The following FRMPD4 variants were observed in gnomAD, a reference collection of about 807,000 sequenced individuals.
FRMPD4 encodes the protein FERM and PDZ domain containing 4.
Under a neutral mutation model 94.1 loss-of-function variants are expected in FRMPD4, and 22 were observed. That is an observed-to-expected ratio of 0.23 (90% CI 0.17 to 0.33). FRMPD4 has a LOEUF of 0.33. Ranked by LOEUF, FRMPD4 falls within the 10% of genes least tolerant of loss-of-function variation. The pLI is 1.00. For synonymous variants in FRMPD4, 631 were observed against 548.6 expected (o/e 1.15, Z -2.10); for missense variants, 1,111 against 1,339.9 (o/e 0.83, Z 2.67).
intron 4 of FRMPD4, among the ~76,000 whole-genome samples, chrX:12,668,019 TAA>T (rs1216961135): frequency 4.4e-5 from 5 of 112,472 alleles, no homozygotes; most frequent in Non-Finnish European, 9.4e-5. Context: ...AATACTTATC[TAA>T]ATGTAGTTAT....
chrX:12,564,938 T>C (rs749818620), intron 2 of FRMPD4, among the ~76,000 whole-genome samples: 1 of 110,762 alleles, frequency 9.0e-6, no homozygotes, highest in South Asian at 4.0e-4. Flanking sequence ...AATAGTAGCA[T>C]GGCCGGGCGT....
intron 1 of FRMPD4, among the ~76,000 whole-genome samples, chrX:12,471,180 C>T (rs1478739438): frequency 9.0e-6 from 1 of 111,420 alleles, no homozygotes; most frequent in Non-Finnish European, 1.9e-5. Flanking sequence ...TTTCAGGACC[C>T]CAGCTGAGTC....
chrX:11,873,890 T>A (rs1470979784), intron 2 of FRMPD4, among the ~76,000 whole-genome samples: 1 of 110,924 alleles, frequency 9.0e-6, no homozygotes, highest in African/African-American at 3.3e-5. Context: ...ATATAGGTAA[T>A]GGAACAAAAT....
chrX:11,993,173 A>G (rs2054474808), intron 3 of FRMPD4, among the ~76,000 whole-genome samples: 2 of 110,862 alleles, frequency 1.8e-5, no homozygotes, highest in South Asian at 3.9e-4. Flanking sequence ...AACAATGTCT[A>G]TGGGGTACCT....
intron 1 of FRMPD4, among the ~76,000 whole-genome samples, chrX:12,251,249 C>T (rs2054035620): frequency 9.0e-6 from 1 of 111,168 alleles, no homozygotes; most frequent in Admixed American, 9.5e-5. Flanking sequence ...GGCCTGGATC[C>T]CTTCATATGC....
chrX:12,138,369 C>G (rs5933958), upstream of FRMPD4: 26,319 of 114,456 alleles, frequency 0.23, 2,961 homozygotes, highest in East Asian at 0.82. Context: ...TCCTTCAGAT[C>G]TAGAGGCACA....
rs140114407 is a variant in FRMPD4 at position 12,342,219 on chromosome X, T to A, written c.42-156461T>A. Among the ~76,000 whole-genome samples the A allele has an allele frequency of 4.8e-3, 542 of 112,257 alleles. 4 individuals carry two copies. The highest frequency in any genetic ancestry group is 0.017 in the African/African-American group (523 of 30,946). On this transcript the variant is annotated intron_variant, in intron 1 of 16. Transcript: ENST00000675598. ...AACAGTTGTCTCTAGGGTTCCATAA[T>A]CTAAAAGAGGAAGGCATATCTGAAA...
chrX:12,216,208 C>T (rs1039928422), intron 1 of FRMPD4, among the ~76,000 whole-genome samples: 5 of 111,447 alleles, frequency 4.5e-5, no homozygotes, highest in African/African-American at 9.8e-5. Context: ...CATCTGGTAC[C>T]TGGACTGAGA....
At chrX:12,184,817 CCAGAGGCTG>C (rs1164321231) in intron 1 of FRMPD4, among the ~76,000 whole-genome samples, 1 of 111,000 alleles carries the variant, frequency 9.0e-6, no homozygotes, top group Non-Finnish European at 1.9e-5. Flanking sequence ...AGGATGGTTA[CCAGAGGCTG>C]CAGAGGCTGG....
At chrX:12,089,809 C>T (rs982261952) in intron 3 of FRMPD4, among the ~76,000 whole-genome samples, 1 of 111,887 alleles carries the variant, frequency 8.9e-6, no homozygotes, top group African/African-American at 3.3e-5. Flanking sequence ...CTAAGAGCTT[C>T]CTCTCTGGGC....
At chrX:12,137,305 T>C (rs1479142574), upstream of FRMPD4, among the ~76,000 whole-genome samples, 1 of 112,904 alleles carries the variant, frequency 8.9e-6, no homozygotes, top group Admixed American at 9.3e-5. Context: ...GTTTTTGAAA[T>C]AAATGCTTAA....
At chrX:12,442,098 G>A (rs1467175123) in intron 1 of FRMPD4, among the ~76,000 whole-genome samples, 4 of 111,582 alleles carry the variant, frequency 3.6e-5, no homozygotes, top group Non-Finnish European at 7.5e-5. Flanking sequence ...GTTTATATCT[G>A]TAGTCCCAGC....
At chrX:12,560,186 G>T (rs1156646486) in intron 2 of FRMPD4, among the ~76,000 whole-genome samples, 1 of 111,000 alleles carries the variant, frequency 9.0e-6, no homozygotes, top group Non-Finnish European at 1.9e-5. Flanking sequence ...TTTTTCCTTT[G>T]TTCAAACCTG....
intron 2 of FRMPD4, among the ~76,000 whole-genome samples, chrX:12,501,430 T>C (rs1005864848): frequency 3.1e-5 from 3 of 97,097 alleles, no homozygotes; most frequent in South Asian, 1.2e-3. Context: ...CAATCATTCT[T>C]TTCCTTTCCT....
intron 3 of FRMPD4, among the ~76,000 whole-genome samples, chrX:12,093,364 C>T (rs1050476201): frequency 1.8e-5 from 2 of 110,987 alleles, no homozygotes; most frequent in African/African-American, 6.6e-5. Context: ...ATTCCCTTCC[C>T]TCCTTTTCCC....
intron 3 of FRMPD4, among the ~76,000 whole-genome samples, chrX:12,053,425 A>AGAAG (rs1569149849): frequency 1.3e-4 from 13 of 99,791 alleles, no homozygotes; most frequent in African/African-American, 4.7e-4. Context: ...AAAGAAAGAA[A>AGAAG]GAAAGAGAAA....
At chrX:12,129,625 T>A (rs1360260212) in intron 3 of FRMPD4, among the ~76,000 whole-genome samples, 1 of 111,749 alleles carries the variant, frequency 8.9e-6, no homozygotes, top group Non-Finnish European at 1.9e-5. Flanking sequence ...TATCTCCACC[T>A]CTCATAGTTT....
At position 12,344,817 on chromosome X, in the gene FRMPD4, A is replaced by G. The variant is rs911516992; in HGVS notation, c.42-153863A>G. On this transcript the variant is annotated intron_variant, in intron 1 of 16. Transcript: ENST00000675598. Reference sequence around the variant, plus strand: ...ATGGCAAGTGCTGAATTCCAAGTGTATGGAGATCTCCCGTGGTCCACCATA... The same window carrying G: ...ATGGCAAGTGCTGAATTCCAAGTGTGTGGAGATCTCCCGTGGTCCACCATA... Among the ~76,000 whole-genome samples the G allele has an allele frequency of 8.0e-5, 9 of 111,829 alleles. No individual in the cohort carries two copies. The Admixed American group carries it at 8.6e-4, about 11-fold the overall frequency.
chrX:12,439,418 G>T (rs1188528366), intron 1 of FRMPD4, among the ~76,000 whole-genome samples: 2 of 111,196 alleles, frequency 1.8e-5, no homozygotes, highest in African/African-American at 6.6e-5. Flanking sequence ...TGTTCTTGAC[G>T]CTTAGCAAGA....
Sources: gnomAD v4.1 joint callset for allele counts (sites outside exome capture counted in the v4.1 genomes callset) on GRCh38, gnomAD v4.1.1 for gene constraint, MANE v1.5 for transcripts, NCBI Gene and HGNC (gene_info 2026-07-23, HGNC 2026-07-21) for gene names.